IFT25: variants seen among roughly 807,000 people sequenced by gnomAD.
The protein encoded by IFT25 is intraflagellar transport 25.
At chr1:53,944,969 C>G in the IFT25 span, among the ~76,000 whole-genome samples, 6 of 152,256 alleles carry the variant, frequency 3.9e-5, no homozygotes, top group Admixed American at 6.5e-5. Context: ...AGCTGGACTC[C>G]TCACGCTCTT....
At chr1:53,944,028 CTTAAG>C in the IFT25 span, among the ~76,000 whole-genome samples, 1 of 152,206 alleles carries the variant, frequency 6.6e-6, no homozygotes, top group African/African-American at 2.4e-5. Context: ...ACCTCACATT[CTTAAG>C]TTTTCTGAGA....
the IFT25 span, among the ~76,000 whole-genome samples, chr1:53,925,596 T>C: frequency 5.4e-5 from 8 of 148,176 alleles, no homozygotes; most frequent in South Asian, 1.7e-3. Context: ...ACCCAGGAGG[T>C]GGAGCTTGCA....
chr1:53,920,253 C>T, the IFT25 span, among the ~76,000 whole-genome samples: 2 of 152,082 alleles, frequency 1.3e-5, no homozygotes. Flanking sequence ...GTAATTCTGC[C>T]CTAGTTACAT....
At chr1:53,925,359 A>C in the IFT25 span, among the ~76,000 whole-genome samples, 1 of 152,118 alleles carries the variant, frequency 6.6e-6, no homozygotes, top group Non-Finnish European at 1.5e-5. Flanking sequence ...TTTTTTAGTT[A>C]TGAAAAATTG....
the IFT25 span, among the ~76,000 whole-genome samples, chr1:53,922,511 A>G: frequency 4.6e-5 from 7 of 152,152 alleles, no homozygotes; most frequent in African/African-American, 1.4e-4. Flanking sequence ...TTATATTTAT[A>G]TAATTTCTCT....
chr1:53,921,480 G>A, the IFT25 span: 1 of 555,616 alleles, frequency 1.8e-6, no homozygotes, highest in African/African-American at 1.9e-5. Flanking sequence ...TTCCCCCATG[G>A]TGGCCAGTAC....
At chr1:53,930,984 T>A in the IFT25 span, among the ~76,000 whole-genome samples, 1 of 152,228 alleles carries the variant, frequency 6.6e-6, no homozygotes, top group Non-Finnish European at 1.5e-5. Context: ...GGAATTTACC[T>A]TAAGGGCATA....
the IFT25 span, among the ~76,000 whole-genome samples, chr1:53,935,526 G>C: frequency 6.6e-6 from 1 of 152,148 alleles, no homozygotes; most frequent in Non-Finnish European, 1.5e-5. Flanking sequence ...TCTGTGAATA[G>C]GCTGGAAGCC....
the IFT25 span, among the ~76,000 whole-genome samples, chr1:53,916,386 A>G: frequency 3.3e-5 from 5 of 152,194 alleles, no homozygotes; most frequent in Admixed American, 3.3e-4. Flanking sequence ...TTCTACAGTC[A>G]TCAATTGTTT....
At chr1:53,940,552 T>C in the IFT25 span, among the ~76,000 whole-genome samples, 5 of 152,260 alleles carry the variant, frequency 3.3e-5, no homozygotes, top group South Asian at 1.0e-3. Flanking sequence ...CATTCAATTA[T>C]TAAATTAAAA....
chr1:53,933,356 G>A, the IFT25 span, among the ~76,000 whole-genome samples: 52 of 151,558 alleles, frequency 3.4e-4, no homozygotes, highest in Admixed American at 9.8e-4. Context: ...GGATGGTCTC[G>A]ATCTCCTGAC....
chr1:53,933,135 C>CTTTT, the IFT25 span, among the ~76,000 whole-genome samples: 5 of 131,292 alleles, frequency 3.8e-5, no homozygotes, highest in Admixed American at 1.5e-4. Flanking sequence ...TCCTTTTTCT[C>CTTTT]TTTTTTTTTT....
the IFT25 span, chr1:53,939,796 A>T: frequency 1.9e-6 from 1 of 525,134 alleles, no homozygotes. Flanking sequence ...ATTATAAAGA[A>T]AAGGATCAAA....
the IFT25 span, chr1:53,928,664 G>C: frequency 4.5e-6 from 2 of 439,606 alleles, no homozygotes; most frequent in Non-Finnish European, 8.1e-6. Flanking sequence ...ACAACACAGA[G>C]CAAGTAGAGC....
chr1:53,927,136 C>T, the IFT25 span, among the ~76,000 whole-genome samples: 1 of 152,290 alleles, frequency 6.6e-6, no homozygotes, highest in African/African-American at 2.4e-5. Flanking sequence ...TGATTATATT[C>T]AGGGTTTGAG....
At chr1:53,926,280 G>A in the IFT25 span, among the ~76,000 whole-genome samples, 228 of 151,724 alleles carry the variant, frequency 1.5e-3, no homozygotes, top group Non-Finnish European at 2.6e-3. Flanking sequence ...CAAGCAGCTG[G>A]GACTACAGGT....
chr1:53,930,000 C>CAAAAA, the IFT25 span: 2 of 1,407,426 alleles, frequency 1.4e-6, no homozygotes, highest in Admixed American at 3.3e-5. Context: ...CCTGGAGCAC[C>CAAAAA]AAAAAAAAAA....
At chr1:53,921,919 TC>T in the IFT25 span, 1 of 585,806 alleles carries the variant, frequency 1.7e-6, no homozygotes, top group Non-Finnish European at 3.1e-6. Context: ...GTGGTACATA[TC>T]AGCTAAATAC....
At chr1:53,914,115 C>G in the IFT25 span, among the ~76,000 whole-genome samples, 1 of 152,210 alleles carries the variant, frequency 6.6e-6, no homozygotes, top group African/African-American at 2.4e-5. Context: ...TTATTAACCT[C>G]GAGGCTCTCT....
Sources: allele counts gnomAD v4.1 joint callset (sites outside exome capture counted in the v4.1 genomes callset), GRCh38; gene constraint gnomAD v4.1.1; transcripts MANE v1.5; gene names NCBI Gene and HGNC (gene_info 2026-07-23, HGNC 2026-07-21).